WNK2: variants seen among roughly 807,000 people sequenced by gnomAD.
WNK2 encodes the protein WNK lysine deficient protein kinase 2, also known as serine/threonine-protein kinase WNK2.
In WNK2, 67 loss-of-function variants were observed where a neutral mutation model predicts 192.1. The ratio of observed to expected loss-of-function variants is 0.35; its 90% CI spans 0.29 to 0.43. The LOEUF (loss-of-function observed/expected upper bound fraction) is 0.43. WNK2 is among the 20% of genes least tolerant of loss of function. The pLI is 1.00. For missense variants in WNK2, 2,698 were observed against 3,089.7 expected (o/e 0.87, Z 3.01); for synonymous variants, 1,439 against 1,393.9 (o/e 1.03, Z -0.72).
In WNK2 at chr9:93,297,980, C is replaced by A; in HGVS notation, c.5836C>A (p.Arg1946=). 1.3e-6 allele frequency: 2 copies of A among 1,566,414 alleles called. No individual in the cohort carries two copies. Among genetic ancestry groups the A allele is most frequent in the South Asian group, 1.2e-5 (1 of 85,062 alleles). ...FFHTAPPTGR[R]RKTSKSKLKA... is the part of the protein sequence containing the mutation. ...CCACACGGCACCCCCCACTGGCCGC[C>A]GGAGAAAAACCAGCAAGAGCAAGCT... is the stretch of plus-strand genomic sequence containing the variant. The change falls in exon 24 of 30, where the codon CGG becomes AGG. Residue 1946 remains arginine (R), a synonymous_variant. Coordinates refer to ENST00000427277, the MANE Select transcript of WNK2 (RefSeq NM_006648.4).
At chr9:93,224,294 A>G (rs1837437443) in intron 2 of WNK2, among the ~76,000 whole-genome samples, 1 of 152,168 alleles carries the variant, frequency 6.6e-6, no homozygotes, top group South Asian at 2.1e-4. Context: ...GTGTGCCCCT[A>G]GTAGGTCTGA....
At chr9:93,318,375 A>C (rs1487070969) in intron 29 of WNK2, 11 of 1,613,302 alleles carry the variant, frequency 6.8e-6, no homozygotes, top group Non-Finnish European at 9.3e-6. Flanking sequence ...CTTTGTCCTC[A>C]GTAGAGTGCC....
chr9:93,240,796 G>C (rs1295685192), intron 7 of WNK2, among the ~76,000 whole-genome samples: 1 of 152,198 alleles, frequency 6.6e-6, no homozygotes, highest in Non-Finnish European at 1.5e-5. Flanking sequence ...GTGCCATCCA[G>C]TAAAATCGCC....
At chr9:93,185,917 C>T (rs1327799175) in intron 2 of WNK2, among the ~76,000 whole-genome samples, 1 of 152,178 alleles carries the variant, frequency 6.6e-6, no homozygotes, top group Non-Finnish European at 1.5e-5. Context: ...GAGTGGGCCT[C>T]GGAGGCTGTG....
intron 5 of WNK2, among the ~76,000 whole-genome samples, chr9:93,236,469 A>G (rs1320616546): frequency 1.3e-5 from 2 of 152,238 alleles, no homozygotes; most frequent in East Asian, 3.8e-4. Flanking sequence ...TTTGAAGGCT[A>G]AATCGTGTTG....
At chr9:93,230,434 G>A (rs1838570792) in intron 3 of WNK2, among the ~76,000 whole-genome samples, 1 of 152,194 alleles carries the variant, frequency 6.6e-6, no homozygotes, top group African/African-American at 2.4e-5. Context: ...CTCCTCCCAG[G>A]GCACAGCTCA....
rs1187748141 is a variant in WNK2, at chr9:93,299,068, A to G, written c.5924-2A>G. On this transcript the variant is annotated splice_acceptor_variant, in intron 24 of 29. Coordinates refer to ENST00000427277, the MANE Select transcript of WNK2 (RefSeq NM_006648.4). LOFTEE classifies it high-confidence loss of function. ...CCTGTCGCCTCTTCTCCCCCCGCCC[A>G]GGTCACTTGGCTGACTCCAGCAGAG... The G allele has an allele frequency of 6.2e-7, 1 of 1,608,648 alleles. No individual in the cohort carries two copies. Among genetic ancestry groups the G allele is most frequent in the African/African-American group, 1.3e-5 (1 of 74,784 alleles).
chr9:93,318,990 G>C, intron 29 of WNK2: 1 of 1,489,730 alleles, frequency 6.7e-7, no homozygotes. Context: ...GAATTTTCTA[G>C]GTGATTATGC....
chr9:93,231,618 G>A (rs1053665831), intron 4 of WNK2, among the ~76,000 whole-genome samples: 2 of 152,246 alleles, frequency 1.3e-5, no homozygotes, highest in Non-Finnish European at 2.9e-5. Flanking sequence ...GTGAGAACTT[G>A]GAGTATCTGG....
intron 2 of WNK2, among the ~76,000 whole-genome samples, chr9:93,227,856 A>G (rs1423662505): frequency 6.6e-6 from 1 of 152,166 alleles, no homozygotes. Context: ...TGGATTAAAC[A>G]TTAACTTTTT....
Position 93,257,191 on chromosome 9 carries a change from C to A in WNK2, c.2382+52C>A. 1 of 1,561,620 alleles carries A rather than the reference C, an allele frequency of 6.4e-7. No individual in the cohort carries two copies. The highest frequency in any genetic ancestry group is 8.6e-7 in the Non-Finnish European group (1 of 1,158,566). On this transcript the variant is annotated intron_variant, in intron 11 of 29. Coordinates refer to ENST00000427277, the MANE Select transcript of WNK2 (RefSeq NM_006648.4). The surrounding 1 kb of genome is among the most constrained non-coding windows in gnomAD (Gnocchi z 4.7). ...AGTGGTGGCGCACGCTTTGCCAGGC[C>A]CTGGCTGGTGCACTAGGACACCCAC...
chr9:93,292,411 A>G lies in WNK2; in HGVS notation c.5025+15A>G, dbSNP rs753052358. On this transcript the variant is annotated intron_variant, in intron 22 of 29. Coordinates refer to ENST00000427277, the MANE Select transcript of WNK2 (RefSeq NM_006648.4). ...GCGTCCCCCAGGTAAGGGCGACTTG[A>G]CGACCCCCTGGCTGGTTGGCAGGGT... 4 of 1,613,756 alleles carry G rather than the reference A, an allele frequency of 2.5e-6. No homozygotes were observed. The highest frequency in any genetic ancestry group is 1.7e-5 in the Admixed American group (1 of 59,998).
intron 2 of WNK2, among the ~76,000 whole-genome samples, chr9:93,223,046 G>A (rs146930836): frequency 6.6e-6 from 1 of 152,358 alleles, no homozygotes; most frequent in East Asian, 1.9e-4. Flanking sequence ...CAATGCGGTT[G>A]TGTATTTTGT....
rs911370662 is a variant in WNK2, at chr9:93,184,373, G to T, written c.-15G>T. On this transcript the variant is annotated 5_prime_UTR_variant, in exon 1 of 30. Coordinates refer to ENST00000427277, the MANE Select transcript of WNK2 (RefSeq NM_006648.4). Reference sequence around the variant, plus strand: ...CCGCCGGGCCGCGGGCATGGACGGCGTCCGCTCGCCCTGTGAGTGCCGAGC... The same window carrying T: ...CCGCCGGGCCGCGGGCATGGACGGCTTCCGCTCGCCCTGTGAGTGCCGAGC... 2.7e-5 allele frequency among the ~76,000 whole-genome samples: 4 copies of T among 150,790 alleles called. No individual in the cohort carries two copies. The highest frequency in any genetic ancestry group is 9.7e-5 in the African/African-American group (4 of 41,098).
At position 93,229,734 on chromosome 9, in the gene WNK2, G is replaced by C; in HGVS notation, c.720G>C (p.Lys240Asn). ...CCAAGCTGGAGCGGCAGCGGTTCAA[G>C]GAAGAGGCTGAGATGCTGAAAGGCC... Reference protein sequence around the residue: ...KLTKLERQRFKEEAEMLKGLQ... With the variant: ...KLTKLERQRFNEEAEMLKGLQ... Residue 240 changes from lysine to asparagine, a missense_variant, in exon 3 of 30, where the codon AAG becomes AAC. Lys to Asn is a moderately conservative substitution (Grantham distance 94). This residue lies in a region of WNK2 where 230 missense variants were observed against 501.1 expected (regional missense o/e 0.46). Coordinates refer to ENST00000427277, the MANE Select transcript of WNK2 (RefSeq NM_006648.4). This position sits in a 1 kb window ranked among gnomAD's most constrained non-coding sequence, Gnocchi z 4.9. 1 of 1,613,568 alleles carries C rather than the reference G, an allele frequency of 6.2e-7. No homozygotes were observed. The highest frequency in any genetic ancestry group is 8.5e-7 in the Non-Finnish European group (1 of 1,179,742).
chr9:93,304,587 C>T (rs1486634016), intron 26 of WNK2, among the ~76,000 whole-genome samples: 1 of 152,222 alleles, frequency 6.6e-6, no homozygotes, highest in Non-Finnish European at 1.5e-5. Context: ...CCCGTTGCTG[C>T]CTTATGGACA....
intron 10 of WNK2, 39 bp downstream of exon 10, chr9:93,256,493 C>A (rs1176192225): frequency 2.2e-5 from 33 of 1,486,482 alleles, no homozygotes; most frequent in African/African-American, 4.2e-5. Context: ...TCCCTCCAGG[C>A]AGGCAGTCAC....
chr9:93,221,674 T>C (rs942997778), intron 2 of WNK2, among the ~76,000 whole-genome samples: 1 of 152,152 alleles, frequency 6.6e-6, no homozygotes, highest in Non-Finnish European at 1.5e-5. Flanking sequence ...CTGAAGAAAA[T>C]CCTTTGGTCC....
intron 2 of WNK2, among the ~76,000 whole-genome samples, chr9:93,228,920 C>T (rs1351367585): frequency 1.3e-5 from 2 of 151,860 alleles, no homozygotes; most frequent in East Asian, 1.9e-4. Context: ...ATTGGGCAGG[C>T]GGCGGGAGGG....
Sources: gnomAD v4.1 joint callset for allele counts (sites outside exome capture counted in the v4.1 genomes callset) on GRCh38, gnomAD v4.1.1 for gene constraint, gnomAD v4.1.1 regional missense constraint, Gnocchi (gnomAD v3.1) non-coding constraint, MANE v1.5 for transcripts, NCBI Gene and HGNC (gene_info 2026-07-23, HGNC 2026-07-21) for gene names.